The following NR6A1 variants were observed in gnomAD, a reference collection of about 807,000 sequenced individuals.
NR6A1 encodes the protein nuclear receptor subfamily 6 group A member 1.
NR6A1 carries 7 observed loss-of-function variants against 59.1 expected under a neutral mutation model. The observed-to-expected ratio is 0.12, with a 90% CI of 0.07 to 0.22. The LOEUF (loss-of-function observed/expected upper bound fraction) is 0.22, where lower values mean the gene tolerates loss of function less well. NR6A1 is among the 10% of genes least tolerant of loss of function. The pLI is 1.00. For missense variants in NR6A1, 468 were observed against 611.6 expected (o/e 0.77, Z 2.48); for synonymous variants, 243 against 236.1 (o/e 1.03, Z -0.27).
At chr9:124,763,416 A>C (rs1174412926) in intron 1 of NR6A1, among the ~76,000 whole-genome samples, 1 of 152,234 alleles carries the variant, frequency 6.6e-6, no homozygotes, top group African/African-American at 2.4e-5. Context: ...ATGTCTTAGC[A>C]TTACGATTAA....
intron 2 of NR6A1, among the ~76,000 whole-genome samples, chr9:124,635,845 T>G (rs1836595748): frequency 6.6e-6 from 1 of 152,256 alleles, no homozygotes; most frequent in Non-Finnish European, 1.5e-5. Context: ...CAGGTTTCTG[T>G]GTAGACATTA....
chr9:124,628,516 T>C (rs989806254), intron 2 of NR6A1, among the ~76,000 whole-genome samples: 1 of 152,152 alleles, frequency 6.6e-6, no homozygotes, highest in Non-Finnish European at 1.5e-5. Flanking sequence ...GCTAATTTTT[T>C]GTATTTTAAT....
chr9:124,630,616 C>T (rs537817962), intron 2 of NR6A1, among the ~76,000 whole-genome samples: 13 of 148,216 alleles, frequency 8.8e-5, no homozygotes, highest in African/African-American at 3.3e-4. Context: ...ACCTGGGTTC[C>T]TATTCTTGTT....
At chr9:124,695,884 T>C (rs1564242156) in intron 2 of NR6A1, among the ~76,000 whole-genome samples, 1 of 152,338 alleles carries the variant, frequency 6.6e-6, no homozygotes, top group Non-Finnish European at 1.5e-5. Flanking sequence ...GACTATTACA[T>C]AGTCTTTAAA....
chr9:124,700,754 C>CTTTTTTTT (rs35704226), intron 2 of NR6A1, among the ~76,000 whole-genome samples: 2 of 91,272 alleles, frequency 2.2e-5, no homozygotes, highest in Admixed American at 1.3e-4. Context: ...TTTACATAGC[C>CTTTTTTTT]TTTTTTTTTT....
At chr9:124,594,615 A>G (rs1460084260) in intron 2 of NR6A1, among the ~76,000 whole-genome samples, 2 of 152,238 alleles carry the variant, frequency 1.3e-5, no homozygotes, top group African/African-American at 4.8e-5. Flanking sequence ...TTCAAGATAA[A>G]TAACAGGCCT....
intron 2 of NR6A1, among the ~76,000 whole-genome samples, chr9:124,644,779 T>C (rs1339734037): frequency 6.6e-6 from 1 of 152,188 alleles, no homozygotes; most frequent in African/African-American, 2.4e-5. Flanking sequence ...CCTTTACCTA[T>C]GAAACAGTGT....
chr9:124,700,649 A>G (rs965064051), intron 2 of NR6A1, among the ~76,000 whole-genome samples: 1 of 152,010 alleles, frequency 6.6e-6, no homozygotes, highest in Non-Finnish European at 1.5e-5. Context: ...TAGGTATTCC[A>G]CATTTTGTTT....
At chr9:124,661,440 C>T (rs1408519227) in intron 2 of NR6A1, among the ~76,000 whole-genome samples, 2 of 152,154 alleles carry the variant, frequency 1.3e-5, no homozygotes, top group African/African-American at 2.4e-5. Context: ...CACAAGGAAG[C>T]TATAAATGGT....
chr9:124,711,187 TAAAAAA>T (rs58609931), intron 2 of NR6A1, among the ~76,000 whole-genome samples: 1 of 66,494 alleles, frequency 1.5e-5, no homozygotes, highest in African/African-American at 6.3e-5. Flanking sequence ...AGCTAAGGTT[TAAAAAA>T]AAAAAAAAAA....
chr9:124,595,700 T>C, intron 2 of NR6A1: 2 of 1,038,378 alleles, frequency 1.9e-6, no homozygotes, highest in South Asian at 1.3e-5. Context: ...CTCTAAACCT[T>C]CAAAGAAAAT....
At chr9:124,579,141 G>A (rs895151612) in intron 2 of NR6A1, among the ~76,000 whole-genome samples, 2 of 152,282 alleles carry the variant, frequency 1.3e-5, no homozygotes, top group African/African-American at 4.8e-5. Flanking sequence ...AAGTTAGCCA[G>A]GCATGGTGGC....
intron 2 of NR6A1, among the ~76,000 whole-genome samples, chr9:124,636,007 C>G (rs1380507440): frequency 6.6e-6 from 1 of 152,248 alleles, no homozygotes; most frequent in Admixed American, 6.5e-5. Context: ...CTTCCACATC[C>G]TAACATTTGT....
chr9:124,554,995 C>A (rs1833885164), intron 2 of NR6A1, among the ~76,000 whole-genome samples: 2 of 152,120 alleles, frequency 1.3e-5, no homozygotes, highest in Admixed American at 6.5e-5. Flanking sequence ...CCGAGCTAAG[C>A]CGGTCAGCCA....
chr9:124,595,597 C>G (rs1835249558), intron 2 of NR6A1, among the ~76,000 whole-genome samples: 1 of 152,160 alleles, frequency 6.6e-6, no homozygotes, highest in African/African-American at 2.4e-5. Flanking sequence ...CAGCCACTTG[C>G]TACATACATG....
At chr9:124,526,663 G>A (rs550861526) in intron 8 of NR6A1, 116 bp downstream of exon 8, 23 of 1,443,190 alleles carry the variant, frequency 1.6e-5, no homozygotes, top group African/African-American at 2.8e-5. Flanking sequence ...AACCCAGATG[G>A]TGTGATGGAT....
At chr9:124,633,304 G>A (rs1836499861) in intron 2 of NR6A1, among the ~76,000 whole-genome samples, 2 of 151,060 alleles carry the variant, frequency 1.3e-5, no homozygotes, top group South Asian at 4.2e-4. Context: ...ACGGGAGGCT[G>A]AGGCAGGAGA....
chr9:124,722,308 TG>T (rs1326132606), intron 2 of NR6A1, among the ~76,000 whole-genome samples: 2 of 152,172 alleles, frequency 1.3e-5, no homozygotes, highest in African/African-American at 4.8e-5. Flanking sequence ...CACAAGTAAA[TG>T]GTAATTTCCT....
chr9:124,616,534 A>G (rs571171984), intron 2 of NR6A1, among the ~76,000 whole-genome samples: 1 of 152,226 alleles, frequency 6.6e-6, no homozygotes, highest in Non-Finnish European at 1.5e-5. Flanking sequence ...GATATCATTA[A>G]AGAAATGATG....
Sources: allele counts gnomAD v4.1 joint callset (sites outside exome capture counted in the v4.1 genomes callset), GRCh38; gene constraint gnomAD v4.1.1; transcripts MANE v1.5; gene names NCBI Gene and HGNC (gene_info 2026-07-23, HGNC 2026-07-21).